Variants in MAPK8 observed in about 807,000 individuals in gnomAD.
MAPK8 encodes JUN N-terminal kinase.
In MAPK8, 13 loss-of-function variants were observed where a neutral mutation model predicts 52.9. The observed-to-expected ratio is 0.25, with a 90% CI of 0.16 to 0.39. The LOEUF is 0.39. Among genes scored for constraint, MAPK8 ranks in the 10% least tolerant of loss-of-function variants. The probability of loss-of-function intolerance (pLI) is 1.00; values close to 1 mark genes in which losing one functional copy is unlikely to be tolerated. For synonymous variants in MAPK8, 191 were observed against 169.8 expected (o/e 1.12, Z -0.97); for missense variants, 300 against 519.2 (o/e 0.58, Z 4.10).
At chr10:48,322,315 T>TAAA (rs10666309) in intron 1 of MAPK8, among the ~76,000 whole-genome samples, 5,797 of 150,530 alleles carry the variant, frequency 0.039, 150 homozygotes, top group Non-Finnish European at 0.055. Context: ...TTTCATGATT[T>TAAA]AAAAAAAAAA....
At chr10:48,315,159 G>A (rs1387672044) in intron 1 of MAPK8, among the ~76,000 whole-genome samples, 2 of 151,842 alleles carry the variant, frequency 1.3e-5, no homozygotes, top group Non-Finnish European at 2.9e-5. Flanking sequence ...CTTCTATCTT[G>A]TTTATTTTAT....
intron 3 of MAPK8, among the ~76,000 whole-genome samples, chr10:48,405,767 A>G (rs1456998339): frequency 2.0e-5 from 3 of 152,224 alleles, no homozygotes; most frequent in Non-Finnish European, 4.4e-5. Flanking sequence ...GTGTTTGTCC[A>G]AAAGAGTTTA....
intron 1 of MAPK8, among the ~76,000 whole-genome samples, chr10:48,354,777 C>T (rs369176360): frequency 4.2e-4 from 63 of 151,584 alleles, no homozygotes; most frequent in African/African-American, 1.5e-3. Flanking sequence ...GCGAATTTAA[C>T]GCTGTGTAGG....
chr10:48,328,249 A>G (rs1843727444), intron 1 of MAPK8, among the ~76,000 whole-genome samples: 1 of 150,706 alleles, frequency 6.6e-6, no homozygotes, highest in African/African-American at 2.4e-5. Flanking sequence ...GAACTTCTTG[A>G]TTAGTCTGGC....
chr10:48,337,215 T>C (rs1844772756), intron 1 of MAPK8, among the ~76,000 whole-genome samples: 2 of 152,118 alleles, frequency 1.3e-5, no homozygotes, highest in African/African-American at 4.8e-5. Flanking sequence ...TGCTCAGTCA[T>C]AAAGCAAGTC....
Position 48,435,059 on chromosome 10 carries a change from T to TGGGTG in MAPK8, c.*33_*34insTGGGG. On this transcript the variant is annotated 3_prime_UTR_variant, in exon 12 of 12. Transcript: ENST00000374189. ...TTGGGCCATCGGGGGGTGGGAGGGA[T>TGGGTG]GGGGAGTCGGTTAGTCATTGATAGA... is the stretch of plus-strand genomic sequence containing the variant. The TGGGTG allele has an allele frequency of 2.2e-6, 1 of 448,004 alleles. No homozygotes were observed. Among genetic ancestry groups the TGGGTG allele is most frequent in the Non-Finnish European group, 4.3e-6 (1 of 230,990 alleles). 27.8% of individuals were successfully genotyped at this position (448,004 alleles called of 1,614,324 possible). A position where few individuals can be genotyped will look rare whatever the true frequency, so the allele number is the denominator to read the frequency against.
chr10:48,392,122 C>T (rs1321813701), intron 1 of MAPK8, among the ~76,000 whole-genome samples: 2 of 152,102 alleles, frequency 1.3e-5, no homozygotes, highest in Admixed American at 6.6e-5. Context: ...ACTAACAGGC[C>T]GAGTGGAGAA....
chr10:48,366,104 A>G (rs1848003249), intron 1 of MAPK8, among the ~76,000 whole-genome samples: 1 of 152,112 alleles, frequency 6.6e-6, no homozygotes, highest in African/African-American at 2.4e-5. Context: ...GTAATAAGAA[A>G]AGAACCCTAG....
At chr10:48,380,453 C>A (rs754377901) in intron 1 of MAPK8, among the ~76,000 whole-genome samples, 2 of 152,062 alleles carry the variant, frequency 1.3e-5, no homozygotes, top group East Asian at 3.9e-4. Context: ...TAGATATGGC[C>A]GGGCGTGGTG....
chr10:48,398,777 G>C (rs1461595318), intron 1 of MAPK8, among the ~76,000 whole-genome samples: 1 of 152,156 alleles, frequency 6.6e-6, no homozygotes, highest in Non-Finnish European at 1.5e-5. Context: ...ATTACATGCT[G>C]TGTGATTTCA....
chr10:48,339,795 G>A (rs1009033391), intron 1 of MAPK8, among the ~76,000 whole-genome samples: 1 of 152,110 alleles, frequency 6.6e-6, no homozygotes, highest in Non-Finnish European at 1.5e-5. Flanking sequence ...GAAAAAAGGT[G>A]AAATAATGTG....
At chr10:48,421,846 T>G (rs1325486026) in intron 6 of MAPK8, among the ~76,000 whole-genome samples, 1 of 152,000 alleles carries the variant, frequency 6.6e-6, no homozygotes, top group Non-Finnish European at 1.5e-5. Flanking sequence ...ATATGGTTCC[T>G]CTTTAGTTAA....
chr10:48,433,732 A>G (rs1054494963), intron 11 of MAPK8, among the ~76,000 whole-genome samples: 7 of 152,124 alleles, frequency 4.6e-5, no homozygotes, highest in Non-Finnish European at 7.4e-5. Context: ...AAGACTTTTC[A>G]TATTGAAGTG....
At position 48,403,917 on chromosome 10, in the gene MAPK8, TTGTG is replaced by T. The variant is rs71465463; in HGVS notation, c.123-897_123-894del. Among the ~76,000 whole-genome samples, 1,203 of 125,724 alleles carry T rather than the reference TTGTG, an allele frequency of 9.6e-3. 6 individuals carry two copies. Among genetic ancestry groups the T allele is most frequent in the South Asian group, 0.015 (58 of 3,812 alleles). The allele number at this position is 125,724 out of a possible 152,430, so 82.5% of individuals were successfully genotyped here. On this transcript the variant is annotated intron_variant, in intron 2 of 11. Transcript: ENST00000374189. ...GTGCCTGCCACCACGCCCGGCTAAT[TTGTG>T]TGTGTGTGTGTGTGTGTGTGTGTGT... is the stretch of plus-strand genomic sequence containing the variant.
Position 48,409,948 on chromosome 10 carries a change from T to C in MAPK8, c.311+11T>C. On this transcript the variant is annotated intron_variant, in intron 4 of 11. Transcript: ENST00000374189. ...AGAATTTCAAGATGTGTAAGTGTAA[T>C]AATTAAAATTTTGTTAAGTTAGTAC... 6.2e-7 allele frequency: 1 copy of C among 1,609,968 alleles called. No homozygotes were observed. The highest frequency in any genetic ancestry group is 8.5e-7 in the Non-Finnish European group (1 of 1,177,546).
At chr10:48,325,448 C>T (rs1843419203) in intron 1 of MAPK8, among the ~76,000 whole-genome samples, 1 of 152,128 alleles carries the variant, frequency 6.6e-6, no homozygotes, top group Non-Finnish European at 1.5e-5. Flanking sequence ...ACATAACTTT[C>T]AGTCTCTCTG....
chr10:48,355,996 T>C (rs1020136727), intron 1 of MAPK8, among the ~76,000 whole-genome samples: 1 of 152,214 alleles, frequency 6.6e-6, no homozygotes, highest in African/African-American at 2.4e-5. Flanking sequence ...TTCATACGTT[T>C]CTTGCAGACA....
intron 5 of MAPK8, among the ~76,000 whole-genome samples, chr10:48,411,365 A>G (rs1330088655): frequency 6.6e-6 from 1 of 152,188 alleles, no homozygotes; most frequent in Non-Finnish European, 1.5e-5. Flanking sequence ...CATTTGTTAG[A>G]GACTACTCTT....
At position 48,426,367 on chromosome 10, in the gene MAPK8, A is replaced by G. The variant is rs1399284653; in HGVS notation, c.872-13A>G. 3 of 1,599,744 alleles carry G rather than the reference A, an allele frequency of 1.9e-6. No homozygotes were observed. Among genetic ancestry groups the G allele is most frequent in the African/African-American group, 2.7e-5 (2 of 74,142 alleles). ...TTACAAATATATGTACATTAACACC[A>G]TTATGTTTGCAGCCAGTCAGGCAAG... On this transcript the variant is annotated splice_polypyrimidine_tract_variant and intron_variant, in intron 8 of 11. Coordinates refer to ENST00000374189, the MANE Select transcript of MAPK8 (RefSeq NM_001323329.2).
Sources: gnomAD v4.1 joint callset for allele counts (sites outside exome capture counted in the v4.1 genomes callset) on GRCh38, gnomAD v4.1.1 for gene constraint, MANE v1.5 for transcripts, NCBI Gene and HGNC (gene_info 2026-07-23, HGNC 2026-07-21) for gene names.